TTF2: variants seen among roughly 807,000 people sequenced by gnomAD.
The protein encoded by TTF2 is RNA polymerase II termination factor.
In TTF2, 108 loss-of-function variants were observed where a neutral mutation model predicts 142.4. The observed-to-expected ratio is 0.76, with a 90% confidence interval of 0.65 to 0.89. TTF2 has a LOEUF of 0.89. Among genes scored for constraint, TTF2 ranks in the 40% least tolerant of loss-of-function variants. TTF2 has a pLI of 0.00. For missense variants in TTF2, 1,327 were observed against 1,379.8 expected (o/e 0.96, Z 0.61); for synonymous variants, 483 against 506.2 (o/e 0.95, Z 0.61).
chr1:117,081,087 G>C (rs979490989), intron 9 of TTF2, among the ~76,000 whole-genome samples: 6 of 152,198 alleles, frequency 3.9e-5, no homozygotes, highest in African/African-American at 1.4e-4. Context: ...CCTTACATCC[G>C]AGTTTCCAGA....
At chr1:117,098,130 A>G (rs1402347595) in intron 21 of TTF2, 1 of 151,876 alleles carries the variant, frequency 6.6e-6, no homozygotes, top group Non-Finnish European at 1.5e-5. Context: ...GAACGGGTTT[A>G]GTTCTTACTT....
intron 10 of TTF2, 115 bp from the exon 11 acceptor site, chr1:117,083,903 G>T: frequency 8.0e-7 from 1 of 1,257,844 alleles, no homozygotes. Context: ...CTTGAGCCTA[G>T]GAGTTTGAGA....
At position 117,076,216 on chromosome 1, in the gene TTF2, G is replaced by C. The variant is rs1199448850; in HGVS notation, c.1312G>C (p.Asp438His). Residue 438 changes from aspartate to histidine, a missense_variant, in exon 6 of 23, where the codon GAC (aspartate) becomes CAC (histidine). Asp to His is a moderately conservative substitution (Grantham distance 81, BLOSUM62 -1). Transcript: ENST00000369466. The surrounding 1 kb of genome is among the most constrained non-coding windows in gnomAD (Gnocchi z 4.6). Reference sequence around the variant, plus strand: ...ATCAGTGAACATCCAGGCTCTTCCAGACAAGGGTCAGAAGTTGATCAAACA... The same window carrying C: ...ATCAGTGAACATCCAGGCTCTTCCACACAAGGGTCAGAAGTTGATCAAACA... The part of the protein sequence containing the change: ...LASVNIQALP[D>H]KGQKLIKQIQ... The C allele has an allele frequency of 6.2e-7, 1 of 1,613,962 alleles. No homozygotes were observed. Among genetic ancestry groups the C allele is most frequent in the South Asian group, 1.1e-5 (1 of 91,076 alleles).
At position 117,090,140 on chromosome 1, in the gene TTF2, A is replaced by G; in HGVS notation, c.2428A>G (p.Ser810Gly). The G allele has an allele frequency of 1.2e-6, 2 of 1,614,214 alleles. No individual in the cohort carries two copies. The highest frequency in any genetic ancestry group is 8.5e-7 in the Non-Finnish European group (1 of 1,180,008). ...CTCAAAGAAAGGAGGAGAACGGTTA[A>G]GTATTTTAACCAAGAGCCTTTTGCT... ...NGSKKGGERLSILTKSLLLRR... is the reference protein window; with the variant it reads ...NGSKKGGERLGILTKSLLLRR... The change falls in exon 14 of 23, where the codon AGT becomes GGT. Residue 810 changes from serine (S) to glycine (G), a missense_variant. Physicochemically the swap from Ser to Gly is moderately conservative, Grantham distance 56. Transcript: ENST00000369466. The surrounding 1 kb of genome is among the most constrained non-coding windows in gnomAD (Gnocchi z 4.8).
chr1:117,094,495 A>T, intron 18 of TTF2: 1 of 428,856 alleles, frequency 2.3e-6, no homozygotes, highest in South Asian at 1.7e-5. Context: ...TGTGGACTCA[A>T]GTGCACCCTA....
chr1:117,060,774 C>G (rs1010082194), intron 2 of TTF2, among the ~76,000 whole-genome samples: 1 of 152,206 alleles, frequency 6.6e-6, no homozygotes, highest in Non-Finnish European at 1.5e-5. Context: ...TGGTTACCCC[C>G]CTCTCTGGGC....
chr1:117,104,494 T>C lies in TTF2; in HGVS notation c.*2970T>C, dbSNP rs1287483453. On this transcript the variant is annotated 3_prime_UTR_variant, in exon 23 of 23. Transcript: ENST00000369466. ...GATTGTAACTTAAAATCTTCAGATA[T>C]TGAGGCCATTGACAAGTAATCTACT... The C allele has an allele frequency of 6.6e-6, 1 of 152,238 alleles. No individual in the cohort carries two copies. The highest frequency in any genetic ancestry group is 2.4e-5 in the African/African-American group (1 of 41,462). The allele number at this position is 152,238 out of a possible 1,614,324, so 9.4% of individuals were successfully genotyped here.
rs746205661 is a variant in TTF2, at chr1:117,091,890, C to T, written c.2745C>T (p.His915=). Residue 915 remains histidine, a synonymous_variant, in exon 17 of 23, where the codon CAC becomes CAT. Transcript: ENST00000369466. ...ACTCACCGAGATCCAGCACCGTCCA[C>T]ATACTGTCCCAGTTGCTGAGACTCC... The part of the protein sequence containing the change: ...AADSPRSSTV[H]ILSQLLRLRQ... 3.1e-6 allele frequency: 5 copies of T among 1,613,752 alleles called. No homozygotes were observed. The highest frequency in any genetic ancestry group is 4.2e-6 in the Non-Finnish European group (5 of 1,179,970).
chr1:117,074,613 G>T (rs1557807906), intron 4 of TTF2, among the ~76,000 whole-genome samples: 1 of 151,652 alleles, frequency 6.6e-6, no homozygotes, highest in Admixed American at 6.6e-5. Context: ...ATGTTCTCAC[G>T]AGCAGGAGCT....
Position 117,090,197 on chromosome 1 carries a change from G to T in TTF2, c.2485G>T (p.Gly829Cys). ...AACAAAAGACCAGCTGGACTCTACT[G>T]GCAGACCTTTGGTAATCAAGTTTGT... ...RRTKDQLDST[G>C]RPLVILPQRK... The change falls in exon 14 of 23, where the codon GGC becomes TGC. Residue 829 changes from glycine (G) to cysteine (C), a missense_variant. By Grantham distance (159) the Gly-to-Cys change is radical. Transcript: ENST00000369466. The surrounding 1 kb of genome is among the most constrained non-coding windows in gnomAD (Gnocchi z 4.8). 6.2e-7 allele frequency: 1 copy of T among 1,613,890 alleles called. No individual in the cohort carries two copies. The highest frequency in any genetic ancestry group is 8.5e-7 in the Non-Finnish European group (1 of 1,179,904).
rs1188847456 is a variant in TTF2 at position 117,063,518 on chromosome 1, C to G, written c.218+1045C>G. Among the ~76,000 whole-genome samples the G allele has an allele frequency of 6.6e-6, 1 of 152,184 alleles. No individual in the cohort carries two copies. The highest frequency in any genetic ancestry group is 2.4e-5 in the African/African-American group (1 of 41,436). On this transcript the variant is annotated intron_variant, in intron 3 of 22. Transcript: ENST00000369466. This position sits in a 1 kb window ranked among gnomAD's most constrained non-coding sequence, Gnocchi z 4.1. ...ACTGCATGTACTCTTCTGTGTCTGACTTCTTTTACTTAACAGTATGTGAAA... is the reference window on the plus strand; with the variant it reads ...ACTGCATGTACTCTTCTGTGTCTGAGTTCTTTTACTTAACAGTATGTGAAA...
rs775516573 is a variant in TTF2 at position 117,060,378 on chromosome 1, AG to A, written c.28+8del. ...GAAGTTAGGTGTCCAGAGCACGGTA[AG>A]GGGCTAGGGTCTCAGCGTCCCGGGG... On this transcript the variant is annotated splice_donor_5th_base_variant and intron_variant, in intron 1 of 22. Transcript: ENST00000369466. The A allele has an allele frequency of 1.2e-6, 2 of 1,605,642 alleles. No homozygotes were observed. Among genetic ancestry groups the A allele is most frequent in the Non-Finnish European group, 1.7e-6 (2 of 1,175,156 alleles).
intron 3 of TTF2, among the ~76,000 whole-genome samples, chr1:117,068,315 G>A (rs1656309127): frequency 6.6e-6 from 1 of 152,102 alleles, no homozygotes. Context: ...AACACCGCAT[G>A]TTCTTACTCA....
intron 18 of TTF2, chr1:117,094,506 A>G (rs113463573): frequency 2.2e-6 from 1 of 446,070 alleles, no homozygotes; most frequent in Admixed American, 2.5e-5. Context: ...GTGCACCCTA[A>G]GGGTTCTTGG....
In TTF2 at chr1:117,097,315, G is replaced by A; in HGVS notation, c.3187-36G>A. 6.3e-7 allele frequency: 1 copy of A among 1,595,940 alleles called. No individual in the cohort carries two copies. The highest frequency in any genetic ancestry group is 8.6e-7 in the Non-Finnish European group (1 of 1,163,484). On this transcript the variant is annotated intron_variant, in intron 20 of 22. Transcript: ENST00000369466. The surrounding 1 kb of genome is among the most constrained non-coding windows in gnomAD (Gnocchi z 4.1). ...AGACCGAGATGTGTTACGAGACCAA[G>A]TCTGTTTAAAGTTAATGTTGTGTTT... is the stretch of plus-strand genomic sequence containing the variant.
At position 117,073,572 on chromosome 1, in the gene TTF2, C is replaced by A; in HGVS notation, c.219-89C>A. On this transcript the variant is annotated intron_variant, in intron 3 of 22. Coordinates refer to ENST00000369466, the MANE Select transcript of TTF2 (RefSeq NM_003594.4). This position sits in a 1 kb window ranked among gnomAD's most constrained non-coding sequence, Gnocchi z 4.4. ...TCCCAAAGCCAGGTTCAAATAGTTG[C>A]AAGATGTTTTCTTGGATTAAAAATA... 2 of 1,308,628 alleles carry A rather than the reference C, an allele frequency of 1.5e-6. No individual in the cohort carries two copies. Among genetic ancestry groups the A allele is most frequent in the Admixed American group, 2.2e-5 (1 of 44,984 alleles). The allele number at this position is 1,308,628 out of a possible 1,614,324, so 81.1% of individuals were successfully genotyped here. A position where few individuals can be genotyped will look rare whatever the true frequency, so the allele number is the denominator to read the frequency against.
chr1:117,067,849 A>C (rs1407823836), intron 3 of TTF2, among the ~76,000 whole-genome samples: 3 of 152,224 alleles, frequency 2.0e-5, no homozygotes, highest in African/African-American at 7.2e-5. Context: ...GAATGTAGTC[A>C]GGAGACAGGT....
In TTF2 at chr1:117,075,139, G is replaced by GA. The variant is rs1184256774; in HGVS notation, c.561dup (p.Gln188ThrfsTer18). On this transcript the variant is annotated frameshift_variant, in exon 5 of 23. Coordinates refer to ENST00000369466, the MANE Select transcript of TTF2 (RefSeq NM_003594.4). LOFTEE classifies it high-confidence loss of function. This position sits in a 1 kb window ranked among gnomAD's most constrained non-coding sequence, Gnocchi z 4.5. ...ACCTCTCATCTGGCCTGGTACCAAA[G>GA]AAAAAACAATCTGTAGTTCAAGAGA... The GA allele has an allele frequency of 1.2e-6, 2 of 1,613,854 alleles. No individual in the cohort carries two copies. The highest frequency in any genetic ancestry group is 2.7e-5 in the African/African-American group (2 of 74,862).
chr1:117,068,021 GC>G (rs1422574284), intron 3 of TTF2, among the ~76,000 whole-genome samples: 1 of 152,214 alleles, frequency 6.6e-6, no homozygotes, highest in Non-Finnish European at 1.5e-5. Flanking sequence ...CTGTGTACAG[GC>G]AGTAAAGAAA....
Sources: gnomAD v4.1 joint callset for allele counts (sites outside exome capture counted in the v4.1 genomes callset) on GRCh38, gnomAD v4.1.1 for gene constraint, Gnocchi (gnomAD v3.1) non-coding constraint, MANE v1.5 for transcripts, NCBI Gene and HGNC (gene_info 2026-07-23, HGNC 2026-07-21) for gene names.